Variants in HMGXB3 observed in about 807,000 individuals in gnomAD.
HMGXB3 encodes the protein HMG-box containing 3.
In HMGXB3, 45 loss-of-function variants were observed where a neutral mutation model predicts 121.5. The observed-to-expected ratio is 0.37, with a 90% CI of 0.29 to 0.47. The LOEUF (loss-of-function observed/expected upper bound fraction) is 0.47. Among genes scored for constraint, HMGXB3 ranks in the 20% least tolerant of loss-of-function variants. The pLI is 0.99. For missense variants in HMGXB3, 1,376 were observed against 1,602.2 expected, an observed-to-expected ratio of 0.86 and a Z score of 2.41; for synonymous variants, 590 against 624.1, an observed-to-expected ratio of 0.95 and a Z score of 0.81.
At chr5:150,042,377 TAA>T (rs896940736) in intron 15 of HMGXB3, among the ~76,000 whole-genome samples, 18 of 152,166 alleles carry the variant, frequency 1.2e-4, no homozygotes, top group African/African-American at 3.9e-4. Flanking sequence ...TAAAGCTGGG[TAA>T]GAGAGAGAGA....
chr5:150,047,511 G>A (rs1232173888), intron 16 of HMGXB3, 113 bp from the exon 17 acceptor site: 4 of 1,273,296 alleles, frequency 3.1e-6, no homozygotes, highest in Admixed American at 4.7e-5. Context: ...TGCCAGCACT[G>A]GGGGAGGGCT....
At chr5:150,004,776 G>A in intron 1 of HMGXB3, 75 bp from the exon 2 acceptor site, 4 of 1,001,132 alleles carry the variant, frequency 4.0e-6, no homozygotes, top group Non-Finnish European at 5.9e-6. Flanking sequence ...GAGGTAAGGG[G>A]TTATTTGATC....
chr5:150,013,373 A>T lies in HMGXB3; in HGVS notation c.909+1020A>T, dbSNP rs183028946. Among the ~76,000 whole-genome samples, 5 of 152,320 alleles carry T rather than the reference A, an allele frequency of 3.3e-5. No homozygotes were observed. The East Asian group carries it at 9.6e-4, about 29-fold the overall frequency. On this transcript the variant is annotated intron_variant, in intron 5 of 19. Coordinates refer to ENST00000502717, the MANE Select transcript of HMGXB3 (RefSeq NM_014983.3). ...TTTCCGGAAGTTGGTTAAGGTGGTGAATTTCACTATTACTCAAATTTTAAA... is the reference window on the plus strand; with the variant it reads ...TTTCCGGAAGTTGGTTAAGGTGGTGTATTTCACTATTACTCAAATTTTAAA...
intron 16 of HMGXB3, 66 bp downstream of exon 16, chr5:150,045,751 A>G (rs1002636497): frequency 2.5e-5 from 32 of 1,276,106 alleles, no homozygotes; most frequent in Non-Finnish European, 3.2e-5. Flanking sequence ...GACATTGTCC[A>G]TGGCAAGATA....
intron 13 of HMGXB3, 60 bp from the exon 14 acceptor site, chr5:150,040,688 C>G (rs1325686052): frequency 6.6e-7 from 1 of 1,510,452 alleles, no homozygotes; most frequent in East Asian, 2.5e-5. Context: ...GGTGTGTATT[C>G]TATTTTTTGC....
chr5:150,019,370 T>A (rs1313551314), intron 6 of HMGXB3, among the ~76,000 whole-genome samples: 1 of 152,150 alleles, frequency 6.6e-6, no homozygotes, highest in East Asian at 1.9e-4. Flanking sequence ...ACATTGTGAG[T>A]TCCTTAATGA....
chr5:150,017,679 T>C (rs753864601), intron 5 of HMGXB3, among the ~76,000 whole-genome samples: 3 of 152,242 alleles, frequency 2.0e-5, no homozygotes, highest in Admixed American at 1.3e-4. Flanking sequence ...GGTAGTTTGG[T>C]GTTTCCCCAA....
chr5:150,016,952 A>G (rs7700386), intron 5 of HMGXB3, among the ~76,000 whole-genome samples: 39,354 of 152,110 alleles, frequency 0.26, 8,443 homozygotes, highest in African/African-American at 0.58. Context: ...AGAGATCTCT[A>G]CTGAGATAAA....
intron 6 of HMGXB3, chr5:150,021,773 T>C: frequency 2.0e-6 from 1 of 507,256 alleles, no homozygotes; most frequent in Admixed American, 2.0e-5. Context: ...ACTGATCCTT[T>C]CACTGAGATT....
chr5:150,046,889 A>ATT, intron 16 of HMGXB3, among the ~76,000 whole-genome samples: 1 of 145,444 alleles, frequency 6.9e-6, no homozygotes, highest in African/African-American at 2.8e-5. Flanking sequence ...GGGCCCAGGC[A>ATT]TCTTTTTTTT....
chr5:150,025,994 C>A (rs1756221016), intron 7 of HMGXB3, among the ~76,000 whole-genome samples: 1 of 151,876 alleles, frequency 6.6e-6, no homozygotes, highest in African/African-American at 2.4e-5. Flanking sequence ...CCACGCCTGG[C>A]TAATTTTTTG....
chr5:150,002,720 C>T (rs986278754), intron 1 of HMGXB3, among the ~76,000 whole-genome samples: 1 of 151,580 alleles, frequency 6.6e-6, no homozygotes, highest in South Asian at 2.1e-4. Flanking sequence ...GCCTCTTTTC[C>T]TAGACATAAA....
intron 17 of HMGXB3, 72 bp downstream of exon 17, chr5:150,047,829 G>T: frequency 2.7e-6 from 4 of 1,492,486 alleles, no homozygotes; most frequent in Non-Finnish European, 3.6e-6. Flanking sequence ...TTAGGTCAGG[G>T]ATATGAATAT....
In HMGXB3 at chr5:150,003,268, C is replaced by A. The variant is rs12522408; in HGVS notation, c.-2-1583C>A. ...TTGACAGCACAGATGTAGAACATTT[C>A]CATCATCAGAGTTTATTGAACAGTG... On this transcript the variant is annotated intron_variant, in intron 1 of 19. Transcript: ENST00000502717. Among the ~76,000 whole-genome samples, 740 of 152,308 alleles carry A rather than the reference C, an allele frequency of 4.9e-3. 30 individuals carry two copies. Among genetic ancestry groups the A allele is most frequent in the Admixed American group, 0.043 (658 of 15,302 alleles).
chr5:150,014,392 A>G (rs915212670), intron 5 of HMGXB3, among the ~76,000 whole-genome samples: 2 of 152,250 alleles, frequency 1.3e-5, no homozygotes, highest in East Asian at 1.9e-4. Flanking sequence ...GTTTGCTATT[A>G]TGTCATAACA....
chr5:150,042,879 T>C (rs917410247), intron 15 of HMGXB3, among the ~76,000 whole-genome samples: 1 of 152,220 alleles, frequency 6.6e-6, no homozygotes, highest in Non-Finnish European at 1.5e-5. Context: ...AAAGTGGGCA[T>C]GTTTCCCCAA....
chr5:150,050,121 T>C, intron 18 of HMGXB3, 131 bp from the exon 19 acceptor site: 1 of 750,268 alleles, frequency 1.3e-6, no homozygotes, highest in Non-Finnish European at 2.3e-6. Flanking sequence ...CCATGGGCTC[T>C]GGCAGGATGG....
At chr5:150,032,697 G>T (rs1397790808) in intron 11 of HMGXB3, 94 bp downstream of exon 11, 4 of 1,415,440 alleles carry the variant, frequency 2.8e-6, no homozygotes, top group Non-Finnish European at 3.8e-6. Context: ...TAAAGTACAT[G>T]GTGGTAGTTA....
intron 11 of HMGXB3, among the ~76,000 whole-genome samples, chr5:150,035,654 C>T (rs189745627): frequency 6.6e-6 from 1 of 152,166 alleles, no homozygotes; most frequent in Admixed American, 6.5e-5. Flanking sequence ...GGTTTAGCAG[C>T]TGTCAGATGA....
Sources: allele counts gnomAD v4.1 joint callset (sites outside exome capture counted in the v4.1 genomes callset), GRCh38; gene constraint gnomAD v4.1.1; transcripts MANE v1.5; gene names NCBI Gene and HGNC (gene_info 2026-07-23, HGNC 2026-07-21).